PDS5B: variants seen among roughly 807,000 people sequenced by gnomAD.
PDS5B encodes sister chromatid cohesion protein PDS5 homolog B.
Under a neutral mutation model 184.1 loss-of-function variants are expected in PDS5B, and 51 were observed. The observed-to-expected ratio is 0.28, with a 90% CI of 0.22 to 0.35. The LOEUF is 0.35. PDS5B is among the 10% of genes least tolerant of loss of function. The pLI, the probability that PDS5B is intolerant of heterozygous loss-of-function variation, is 1.00. For synonymous variants in PDS5B, 566 were observed against 569.2 expected (o/e 0.99, Z 0.08); for missense variants, 1,180 against 1,723.3 (o/e 0.68, Z 5.58).
intron 26 of PDS5B, 121 bp downstream of exon 26, chr13:32,756,077 G>T: frequency 1.8e-6 from 1 of 549,832 alleles, no homozygotes; most frequent in Non-Finnish European, 3.3e-6. Context: ...GGTGTTTAAG[G>T]TTCTTTATTT....
intron 11 of PDS5B, among the ~76,000 whole-genome samples, chr13:32,686,131 A>G (rs540006862): frequency 6.6e-6 from 1 of 152,346 alleles, no homozygotes; most frequent in African/African-American, 2.4e-5. Context: ...CTGCAGATTC[A>G]TGATGTTTTC....
Position 32,732,199 on chromosome 13 carries a change from A to G in PDS5B, c.2222A>G (p.Glu741Gly). Residue 741 changes from glutamate to glycine, a missense_variant, in exon 20 of 35, where the codon GAG (glutamate) becomes GGG (glycine). Physicochemically the swap from Glu to Gly is moderately conservative, Grantham distance 98. This residue lies in a region of PDS5B where 475 missense variants were observed against 691.5 expected (regional missense o/e 0.69). Transcript: ENST00000315596. ...ATCCATGCGATATTTTCTAGTAAAG[A>G]GACCCAGTTTGCACAGATATTTGAG... Reference protein sequence around the residue: ...HCIHAIFSSKETQFAQIFEPL... With the variant: ...HCIHAIFSSKGTQFAQIFEPL... The G allele has an allele frequency of 6.2e-7, 1 of 1,609,534 alleles. No individual in the cohort carries two copies. The highest frequency in any genetic ancestry group is 8.5e-7 in the Non-Finnish European group (1 of 1,176,964).
At chr13:32,665,408 A>G (rs1019275689) in intron 6 of PDS5B, among the ~76,000 whole-genome samples, 1 of 151,618 alleles carries the variant, frequency 6.6e-6, no homozygotes, top group Non-Finnish European at 1.5e-5. Flanking sequence ...TGGCTAACAC[A>G]GTGAAACCCT....
At chr13:32,758,253 T>C (rs1041650418) in intron 27 of PDS5B, 34 bp downstream of exon 27, 2 of 1,443,000 alleles carry the variant, frequency 1.4e-6, no homozygotes, top group African/African-American at 2.9e-5. Flanking sequence ...TATGGTTCCA[T>C]ATTGATTTAA....
intron 1 of PDS5B, among the ~76,000 whole-genome samples, chr13:32,599,715 C>G (rs143408980): frequency 0.014 from 2,160 of 152,010 alleles, 17 homozygotes; most frequent in Non-Finnish European, 0.022. Flanking sequence ...GAGATCTGGA[C>G]CATCCTGGCT....
In PDS5B at chr13:32,678,838, T is replaced by A. The variant is rs767404184; in HGVS notation, c.966T>A (p.Phe322Leu). Residue 322 changes from phenylalanine to leucine, a missense_variant, in exon 10 of 35, where the codon TTT becomes TTA. This residue lies in a region of PDS5B where 475 missense variants were observed against 691.5 expected (regional missense o/e 0.69). Coordinates refer to ENST00000315596, the MANE Select transcript of PDS5B (RefSeq NM_015032.4). Reference protein sequence around the residue: ...KPLWQCYLGRFNDIHVPIRLE... With the variant: ...KPLWQCYLGRLNDIHVPIRLE... ...CTGTGCTTTTATATTTTATCAGGTT[T>A]AATGATATCCATGTACCAATCCGCC... 1 of 1,558,730 alleles carries A rather than the reference T, an allele frequency of 6.4e-7. No individual in the cohort carries two copies. Among genetic ancestry groups the A allele is most frequent in the Non-Finnish European group, 8.9e-7 (1 of 1,129,706 alleles).
intron 1 of PDS5B, among the ~76,000 whole-genome samples, chr13:32,620,955 T>A (rs1443302435): frequency 6.6e-6 from 1 of 152,250 alleles, no homozygotes; most frequent in Non-Finnish European, 1.5e-5. Context: ...ATAGCTACAC[T>A]GGCCAACATA....
At chr13:32,645,226 T>C (rs1239275662) in intron 1 of PDS5B, among the ~76,000 whole-genome samples, 1 of 152,144 alleles carries the variant, frequency 6.6e-6, no homozygotes, top group Non-Finnish European at 1.5e-5. Flanking sequence ...TAAGCAGTCT[T>C]ACTGCCTCAG....
chr13:32,685,857 C>T (rs368048659), intron 11 of PDS5B, among the ~76,000 whole-genome samples: 1 of 151,950 alleles, frequency 6.6e-6, no homozygotes, highest in East Asian at 1.9e-4. Context: ...CTAGGCTGGT[C>T]TCGAATTCCT....
intron 10 of PDS5B, among the ~76,000 whole-genome samples, chr13:32,679,505 A>AT (rs747544424): frequency 7.9e-5 from 12 of 152,090 alleles, no homozygotes; most frequent in Non-Finnish European, 1.8e-4. Flanking sequence ...GTGTGATGGC[A>AT]TGCGCCTATA....
Position 32,755,968 on chromosome 13 carries a change from T to A in PDS5B, c.3056+12T>A, listed in dbSNP as rs746364806. ...AAAGATGTTAAAGAGTAAGACTTTTTCCATCCCATTTTCATATTTTCTGAA... is the reference window on the plus strand; with the variant it reads ...AAAGATGTTAAAGAGTAAGACTTTTACCATCCCATTTTCATATTTTCTGAA... On this transcript the variant is annotated intron_variant, in intron 26 of 34. Coordinates refer to ENST00000315596, the MANE Select transcript of PDS5B (RefSeq NM_015032.4). 1 of 1,216,516 alleles carries A rather than the reference T, an allele frequency of 8.2e-7. No individual in the cohort carries two copies. Among genetic ancestry groups the A allele is most frequent in the Non-Finnish European group, 1.2e-6 (1 of 839,360 alleles). The allele number at this position is 1,216,516 out of a possible 1,614,324, so 75.4% of individuals were successfully genotyped here.
rs376918130 is a variant in PDS5B at position 32,755,886 on chromosome 13, A to G, written c.2986A>G (p.Ile996Val). The change falls in exon 26 of 35, where the codon ATT becomes GTT. Residue 996 changes from isoleucine (I) to valine (V), a missense_variant. This residue lies in a region of PDS5B where 57 missense variants were observed against 80.9 expected (regional missense o/e 0.70). Coordinates refer to ENST00000315596, the MANE Select transcript of PDS5B (RefSeq NM_015032.4). The part of the protein sequence containing the change: ...LLPEYVVPYT[I>V]HLLAHDPDYV... ...ACCAGAGTATGTTGTTCCATATACA[A>G]TTCACCTTTTGGCACATGACCCAGA... is the stretch of plus-strand genomic sequence containing the variant. 59 of 1,580,824 alleles carry G rather than the reference A, an allele frequency of 3.7e-5. No homozygotes were observed. Among genetic ancestry groups the G allele is most frequent in the Admixed American group, 5.1e-5 (3 of 58,494 alleles).
At chr13:32,644,896 G>A (rs12427832) in intron 1 of PDS5B, among the ~76,000 whole-genome samples, 48,022 of 151,882 alleles carry the variant, frequency 0.32, 9,138 homozygotes, top group Non-Finnish European at 0.43. Flanking sequence ...TTGCCTTCCC[G>A]GGATAAACAC....
chr13:32,751,519 C>G (rs192293680), intron 24 of PDS5B, among the ~76,000 whole-genome samples: 1 of 152,300 alleles, frequency 6.6e-6, no homozygotes, highest in Admixed American at 6.5e-5. Flanking sequence ...TCACCAGCAT[C>G]TATTATTTTT....
intron 34 of PDS5B, 120 bp downstream of exon 34, chr13:32,773,444 A>G: frequency 2.3e-6 from 2 of 852,216 alleles, no homozygotes; most frequent in Non-Finnish European, 3.6e-6. Flanking sequence ...TCATAGCATC[A>G]TTTTATCTAC....
chr13:32,675,719 C>T, intron 8 of PDS5B, 125 bp from the exon 9 acceptor site: 1 of 546,600 alleles, frequency 1.8e-6, no homozygotes. Flanking sequence ...TGTAATTTTT[C>T]ATTTAGAGTT....
chr13:32,731,427 T>C (rs1476300983), intron 19 of PDS5B, among the ~76,000 whole-genome samples: 2 of 152,190 alleles, frequency 1.3e-5, no homozygotes, highest in Non-Finnish European at 2.9e-5. Context: ...CTCACATGTT[T>C]CTTTATCAGG....
At chr13:32,732,328 A>G (rs1248797572) in intron 20 of PDS5B, 104 bp downstream of exon 20, 2 of 757,790 alleles carry the variant, frequency 2.6e-6, no homozygotes, top group African/African-American at 3.6e-5. Context: ...TCATTTTGTA[A>G]TATATTTTCA....
chr13:32,699,948 A>G, intron 16 of PDS5B, 79 bp downstream of exon 16: 1 of 1,256,000 alleles, frequency 8.0e-7, no homozygotes, highest in Non-Finnish European at 1.1e-6. Context: ...AAAGTAATTT[A>G]TATTCATTAT....
Sources: gnomAD v4.1 joint callset for allele counts (sites outside exome capture counted in the v4.1 genomes callset) on GRCh38, gnomAD v4.1.1 for gene constraint, gnomAD v4.1.1 regional missense constraint, MANE v1.5 for transcripts, NCBI Gene and HGNC (gene_info 2026-07-23, HGNC 2026-07-21) for gene names.